The following SPPL2B variants were observed in gnomAD, a reference collection of about 807,000 sequenced individuals.
SPPL2B encodes the protein signal peptide peptidase like 2B.
A neutral mutation model predicts 59.7 loss-of-function variants in SPPL2B; 39 were observed. The ratio of observed to expected loss-of-function variants is 0.65; its 90% confidence interval spans 0.51 to 0.85. SPPL2B has a LOEUF of 0.85. Ranked by LOEUF, SPPL2B falls within the 40% of genes least tolerant of loss-of-function variation. The probability of loss-of-function intolerance (pLI) is 0.00; values close to 1 mark genes in which losing one functional copy is unlikely to be tolerated. For synonymous variants in SPPL2B, 419 were observed against 370.8 expected (o/e 1.13, Z -1.49); for missense variants, 865 against 849.0 (o/e 1.02, Z -0.23).
chr19:2,338,858 T>G lies in SPPL2B; in HGVS notation c.459+17T>G. On this transcript the variant is annotated intron_variant, in intron 4 of 14. Transcript: ENST00000613503. Reference sequence around the variant, plus strand: ...ATCTTCACGGTAGGTCTGCGCCGGCTCAGACCCACGCTCCCGAGGAGATGG... The same window carrying G: ...ATCTTCACGGTAGGTCTGCGCCGGCGCAGACCCACGCTCCCGAGGAGATGG... 6.2e-7 allele frequency: 1 copy of G among 1,608,102 alleles called. No homozygotes were observed. Among genetic ancestry groups the G allele is most frequent in the Non-Finnish European group, 8.5e-7 (1 of 1,175,308 alleles).
At position 2,334,703 on chromosome 19, in the gene SPPL2B, G is replaced by A. The variant is rs776909336; in HGVS notation, c.168G>A (p.Pro56=). The change falls in exon 2 of 15, where the codon CCG becomes CCA. Residue 56 remains proline (P), a synonymous_variant. Transcript: ENST00000613503. ...ILYNPQWAHL[P]HDLSKASFLQ... Reference sequence around the variant, plus strand: ...ACAACCCGCAGTGGGCCCATCTTCCGCACGACCTCAGCAAGGCAGTGAGTA... The same window carrying A: ...ACAACCCGCAGTGGGCCCATCTTCCACACGACCTCAGCAAGGCAGTGAGTA... 11 of 1,609,412 alleles carry A rather than the reference G, an allele frequency of 6.8e-6. No individual in the cohort carries two copies. The highest frequency in any genetic ancestry group is 1.7e-5 in the Admixed American group (1 of 59,538).
chr19:2,337,665 G>T (rs1034715541), intron 3 of SPPL2B, 40 bp downstream of exon 3: 1 of 1,500,026 alleles, frequency 6.7e-7, no homozygotes, highest in Non-Finnish European at 8.9e-7. Flanking sequence ...AGCTCTCAGG[G>T]GCAGGAGGGG....
intron 13 of SPPL2B, among the ~76,000 whole-genome samples, chr19:2,347,366 A>ACT (rs1181599834): frequency 6.3e-5 from 1 of 15,968 alleles, no homozygotes; most frequent in Admixed American, 8.9e-4. Context: ...ACACACACAC[A>ACT]CTCTCATTCG....
chr19:2,339,349 C>T (rs1968873563), intron 5 of SPPL2B, 141 bp downstream of exon 5: 3 of 1,001,608 alleles, frequency 3.0e-6, no homozygotes, highest in Admixed American at 5.0e-5. Flanking sequence ...GTTTCTTCCT[C>T]AGGAGGTCCT....
intron 8 of SPPL2B, chr19:2,341,532 C>A (rs544083758): frequency 1.6e-4 from 74 of 449,006 alleles, no homozygotes; most frequent in African/African-American, 1.4e-3. Flanking sequence ...GGGCCTCCCC[C>A]ATGAGGCCGA....
At chr19:2,343,418 G>A (rs895682457) in intron 9 of SPPL2B, 126 bp downstream of exon 9, 23 of 806,336 alleles carry the variant, frequency 2.9e-5, no homozygotes, top group Admixed American at 6.6e-5. Flanking sequence ...GGGGATGGCC[G>A]CCTAGGCCTG....
chr19:2,340,900 T>G lies in SPPL2B; in HGVS notation c.842T>G (p.Ile281Ser). ...TCTGACTGCCCCGTGCCCCCCAGGATCCCCAACAACAGCCTGCCCTACTTC... is the reference window on the plus strand; with the variant it reads ...TCTGACTGCCCCGTGCCCCCCAGGAGCCCCAACAACAGCCTGCCCTACTTC... ...VRRLPFGKCR[I>S]PNNSLPYFHK... is the part of the protein sequence containing the mutation. Residue 281 changes from isoleucine to serine, a missense_variant and splice_region_variant, in exon 8 of 15, where the codon ATC becomes AGC. Coordinates refer to ENST00000613503, the MANE Select transcript of SPPL2B (RefSeq NM_152988.3). 1 of 1,586,266 alleles carries G rather than the reference T, an allele frequency of 6.3e-7. No homozygotes were observed. The highest frequency in any genetic ancestry group is 2.2e-5 in the East Asian group (1 of 44,768).
At chr19:2,343,430 T>C in intron 9 of SPPL2B, 138 bp downstream of exon 9, 1 of 763,534 alleles carries the variant, frequency 1.3e-6, no homozygotes, top group Non-Finnish European at 2.2e-6. Flanking sequence ...CTAGGCCTGT[T>C]GTGAAGGGTG....
intron 13 of SPPL2B, among the ~76,000 whole-genome samples, chr19:2,350,965 A>G (rs564978456): frequency 7.2e-5 from 11 of 152,364 alleles, no homozygotes; most frequent in South Asian, 4.1e-4. Flanking sequence ...TTTGACCCCA[A>G]ACATTTCACT....
rs1969308889 is a variant in SPPL2B at position 2,345,411 on chromosome 19, CT to C, written c.1354+82del. The C allele has an allele frequency of 9.1e-5, 108 of 1,188,008 alleles. 1 individual carries two copies. The South Asian group carries it at 1.2e-3, about 14-fold the overall frequency. 73.6% of individuals were successfully genotyped at this position (1,188,008 alleles called of 1,614,324 possible). A position where few individuals can be genotyped will look rare whatever the true frequency, so the allele number is the denominator to read the frequency against. ...TTAGCCTCTGTCCTGACCCTGACCCCTAACCCCAACCCCAACCCTAACCCTA... is the reference window on the plus strand; with the variant it reads ...TTAGCCTCTGTCCTGACCCTGACCCCAACCCCAACCCCAACCCTAACCCTA... On this transcript the variant is annotated intron_variant, in intron 13 of 14. Transcript: ENST00000613503.
intron 9 of SPPL2B, among the ~76,000 whole-genome samples, chr19:2,343,543 TGA>T (rs1253742937): frequency 6.6e-6 from 1 of 151,902 alleles, no homozygotes; most frequent in Non-Finnish European, 1.5e-5. Context: ...GAGGTGGTGG[TGA>T]GAGTGGTTGA....
chr19:2,341,376 G>A lies in SPPL2B; in HGVS notation c.956+362G>A, dbSNP rs1487161684. On this transcript the variant is annotated intron_variant, in intron 8 of 14. Transcript: ENST00000613503. ...GCACCCACGTGCACGCCGCAGGTTC[G>A]AGGCCCAGGGTGTGGGCACCAGGGC... 6.2e-6 allele frequency: 3 copies of A among 485,922 alleles called. No individual in the cohort carries two copies. The Admixed American group carries it at 6.9e-5, about 11-fold the overall frequency. The allele number at this position is 485,922 out of a possible 1,614,324, so 30.1% of individuals were successfully genotyped here. A position where few individuals can be genotyped will look rare whatever the true frequency, so the allele number is the denominator to read the frequency against.
At position 2,344,424 on chromosome 19, in the gene SPPL2B, G is replaced by A. The variant is rs1434687938; in HGVS notation, c.1176G>A (p.Lys392=). Residue 392 remains lysine (K), a splice_region_variant and synonymous_variant, in exon 11 of 15, where the codon AAG becomes AAA. Coordinates refer to ENST00000613503, the MANE Select transcript of SPPL2B (RefSeq NM_152988.3). The part of the protein sequence containing the change: ...TGPSDSATRE[K]LPMVLKVPRL... Reference sequence around the variant, plus strand: ...CCTCGGACTCAGCCACCCGTGAGAAGGTGTGTCTTCTGACTGCAGGGTCTC... The same window carrying A: ...CCTCGGACTCAGCCACCCGTGAGAAAGTGTGTCTTCTGACTGCAGGGTCTC... 6.4e-7 allele frequency: 1 copy of A among 1,569,690 alleles called. No homozygotes were observed.
Position 2,340,952 on chromosome 19 carries a change from G to T in SPPL2B, c.894G>T (p.Leu298=). The stretch of plus-strand genomic sequence containing the variant: ...ACAAGCGCCCGCAGGCCCGTATGCT[G>T]CTCCTGGCGCTCTTCTGCGTGGCCG... ...YFHKRPQARM[L]LLALFCVAVS... Residue 298 remains leucine, a synonymous_variant, in exon 8 of 15, where the codon CTG becomes CTT. Coordinates refer to ENST00000613503, the MANE Select transcript of SPPL2B (RefSeq NM_152988.3). The T allele has an allele frequency of 6.2e-7, 1 of 1,604,076 alleles. No homozygotes were observed. The highest frequency in any genetic ancestry group is 8.5e-7 in the Non-Finnish European group (1 of 1,179,556).
intron 13 of SPPL2B, among the ~76,000 whole-genome samples, chr19:2,350,538 G>A (rs565192250): frequency 2.3e-4 from 35 of 152,304 alleles, no homozygotes; most frequent in African/African-American, 8.2e-4. Flanking sequence ...GCTCCCCCGT[G>A]TACTGCAGTT....
intron 2 of SPPL2B, among the ~76,000 whole-genome samples, chr19:2,335,171 G>A (rs757454778): frequency 1.3e-5 from 2 of 151,864 alleles, no homozygotes; most frequent in Non-Finnish European, 2.9e-5. Context: ...TAGTCCTCAT[G>A]CCCCGCCTCC....
At chr19:2,338,573 G>A in intron 3 of SPPL2B, 179 bp from the exon 4 acceptor site, 1 of 569,682 alleles carries the variant, frequency 1.8e-6, no homozygotes, top group South Asian at 2.1e-5. Context: ...CGGCCTCCCT[G>A]TTCTTGGGTC....
chr19:2,339,095 G>A lies in SPPL2B; in HGVS notation c.486G>A (p.Ala162=), dbSNP rs1188327802. 1.1e-5 allele frequency: 17 copies of A among 1,568,116 alleles called. No homozygotes were observed. The highest frequency in any genetic ancestry group is 1.9e-5 in the Admixed American group (1 of 52,446). The change falls in exon 5 of 15, where the codon GCG becomes GCA. Residue 162 remains alanine (A), a synonymous_variant. Coordinates refer to ENST00000613503, the MANE Select transcript of SPPL2B (RefSeq NM_152988.3). ...GTTTCGGCCGCACGGTGAGGGCGGCGCTGTATGCGCCTAAGGAGCCGGTGC... is the reference window on the plus strand; with the variant it reads ...GTTTCGGCCGCACGGTGAGGGCGGCACTGTATGCGCCTAAGGAGCCGGTGC... ...FTRFGRTVRA[A]LYAPKEPVLD... is the part of the protein sequence containing the mutation.
chr19:2,342,954 T>C, intron 8 of SPPL2B: 1 of 519,398 alleles, frequency 1.9e-6, no homozygotes, highest in Non-Finnish European at 3.5e-6. Context: ...CTGTCCTGGC[T>C]GCCGAGTGGT....
Sources: gnomAD v4.1 joint callset for allele counts (sites outside exome capture counted in the v4.1 genomes callset) on GRCh38, gnomAD v4.1.1 for gene constraint, MANE v1.5 for transcripts, NCBI Gene and HGNC (gene_info 2026-07-23, HGNC 2026-07-21) for gene names.